PTPRD: variants seen among roughly 807,000 people sequenced by gnomAD.
The protein encoded by PTPRD is receptor-type tyrosine-protein phosphatase delta.
A neutral mutation model predicts 214.5 loss-of-function variants in PTPRD; 34 were observed. The observed-to-expected ratio is 0.16, with a 90% CI of 0.12 to 0.21. PTPRD has a LOEUF of 0.21. Among genes scored for constraint, PTPRD ranks in the 10% least tolerant of loss-of-function variants. The pLI, the probability that PTPRD is intolerant of heterozygous loss-of-function variation, is 1.00. For synonymous variants in PTPRD, 1,128 were observed against 845.7 expected (o/e 1.33, Z -5.79); for missense variants, 2,545 against 2,398.7 (o/e 1.06, Z -1.27).
At chr9:9,958,622 T>C (rs2094135088) in intron 4 of PTPRD, among the ~76,000 whole-genome samples, 1 of 152,166 alleles carries the variant, frequency 6.6e-6, no homozygotes, top group Non-Finnish European at 1.5e-5. Flanking sequence ...AAGAAATAGT[T>C]GGGTAATTTA....
chr9:9,947,354 T>TTATATATTA (rs2092741076), intron 4 of PTPRD, among the ~76,000 whole-genome samples: 1 of 56,036 alleles, frequency 1.8e-5, no homozygotes, highest in Non-Finnish European at 2.9e-5. Context: ...ATAATATATA[T>TTATATATTA]TATATATATT....
intron 14 of PTPRD, among the ~76,000 whole-genome samples, chr9:8,561,207 G>A (rs1357383747): frequency 6.6e-6 from 1 of 151,930 alleles, no homozygotes; most frequent in African/African-American, 2.4e-5. Flanking sequence ...ACCTTTGAGT[G>A]GTGTCTTCGC....
At chr9:9,732,228 G>T (rs1176997844) in intron 7 of PTPRD, among the ~76,000 whole-genome samples, 1 of 151,886 alleles carries the variant, frequency 6.6e-6, no homozygotes, top group Non-Finnish European at 1.5e-5. Flanking sequence ...TGAGATTTCT[G>T]GTATGTACTG....
At chr9:8,805,941 G>C (rs1304216297) in intron 11 of PTPRD, among the ~76,000 whole-genome samples, 2 of 144,736 alleles carry the variant, frequency 1.4e-5, no homozygotes, top group South Asian at 2.3e-4. Flanking sequence ...CTTGCAGTGA[G>C]CCGAGATTAT....
At chr9:8,353,025 C>T (rs557140334) in intron 39 of PTPRD, among the ~76,000 whole-genome samples, 3 of 152,178 alleles carry the variant, frequency 2.0e-5, no homozygotes, top group African/African-American at 4.8e-5. Context: ...ACAGGAGAAT[C>T]GCTTGAACCC....
At chr9:9,064,588 G>C (rs770491796) in intron 10 of PTPRD, among the ~76,000 whole-genome samples, 1 of 152,126 alleles carries the variant, frequency 6.6e-6, no homozygotes, top group Non-Finnish European at 1.5e-5. Flanking sequence ...GGATAAAAAA[G>C]TCCATTATAT....
intron 9 of PTPRD, among the ~76,000 whole-genome samples, chr9:9,247,705 C>T (rs2099973700): frequency 6.6e-6 from 1 of 152,088 alleles, no homozygotes; most frequent in Admixed American, 6.6e-5. Context: ...GGAGTCACCT[C>T]TTCTGACCCT....
chr9:9,679,117 G>A (rs1429420199), intron 7 of PTPRD, among the ~76,000 whole-genome samples: 1 of 96,614 alleles, frequency 1.0e-5, no homozygotes, highest in African/African-American at 3.5e-5. Context: ...GGTTGAAAAA[G>A]GGGGAAAAAA....
At chr9:8,837,634 T>G (rs753757554) in intron 11 of PTPRD, among the ~76,000 whole-genome samples, 1 of 152,084 alleles carries the variant, frequency 6.6e-6, no homozygotes, top group Non-Finnish European at 1.5e-5. Flanking sequence ...GTAGCTGGTA[T>G]TACAGGTGCA....
chr9:8,780,948 G>T (rs369880873), intron 11 of PTPRD, among the ~76,000 whole-genome samples: 5 of 152,168 alleles, frequency 3.3e-5, no homozygotes, highest in Admixed American at 6.5e-5. Flanking sequence ...GTCAGATATT[G>T]TAAGTATAAA....
intron 7 of PTPRD, among the ~76,000 whole-genome samples, chr9:9,716,474 T>C (rs904862526): frequency 6.4e-4 from 97 of 152,082 alleles, no homozygotes; most frequent in Non-Finnish European, 1.2e-3. Flanking sequence ...CCACCAACAG[T>C]GTAAAAGTGT....
chr9:8,594,727 A>G (rs2094370088), intron 14 of PTPRD, among the ~76,000 whole-genome samples: 1 of 152,240 alleles, frequency 6.6e-6, no homozygotes, highest in South Asian at 2.1e-4. Context: ...CCTTTCTGCC[A>G]TGATTCTAAG....
chr9:8,731,217 T>G (rs577760452), intron 12 of PTPRD, among the ~76,000 whole-genome samples: 1 of 152,260 alleles, frequency 6.6e-6, no homozygotes, highest in African/African-American at 2.4e-5. Context: ...AGAGAGTGAG[T>G]TGGACACATT....
intron 3 of PTPRD, among the ~76,000 whole-genome samples, chr9:10,047,329 TGTGTGTGTGC>T (rs1332714322): frequency 1.5e-4 from 23 of 150,728 alleles, no homozygotes; most frequent in African/African-American, 3.2e-4. Context: ...TGTGTGTGTG[TGTGTGTGTGC>T]GTGTGTGTGT....
Position 8,354,691 on chromosome 9 carries a change from C to T in PTPRD, c.4662-12713G>A, listed in dbSNP as rs559024608. On this transcript the variant is annotated intron_variant, in intron 39 of 45. Coordinates refer to ENST00000381196, the MANE Select transcript of PTPRD (RefSeq NM_002839.4). ...AGGCTTAAGAATTTGATGAAGATCA[C>T]GTGGCTGTCACTAGGGAGCTAAGAC... 9.2e-5 allele frequency among the ~76,000 whole-genome samples: 14 copies of T among 152,308 alleles called. No homozygotes were observed. In the South Asian group the frequency reaches 2.9e-3, roughly 32 times the overall value.
intron 9 of PTPRD, among the ~76,000 whole-genome samples, chr9:9,203,418 C>T (rs1390293621): frequency 3.3e-5 from 5 of 152,126 alleles, no homozygotes; most frequent in East Asian, 3.9e-4. Flanking sequence ...TACCACATAT[C>T]CCATAGGAAT....
chr9:10,493,858 T>C (rs2132841507), intron 2 of PTPRD, among the ~76,000 whole-genome samples: 1 of 152,152 alleles, frequency 6.6e-6, no homozygotes, highest in East Asian at 1.9e-4. Context: ...TAGAATACTA[T>C]TAATTATACC....
chr9:9,087,923 G>T (rs1217562821), intron 10 of PTPRD, among the ~76,000 whole-genome samples: 1 of 105,420 alleles, frequency 9.5e-6, no homozygotes, highest in Non-Finnish European at 1.7e-5. Context: ...GTCTCACTCT[G>T]TTGCCTAGGC....
chr9:8,966,053 A>T (rs2099192244), intron 11 of PTPRD, among the ~76,000 whole-genome samples: 1 of 152,112 alleles, frequency 6.6e-6, no homozygotes, highest in Non-Finnish European at 1.5e-5. Flanking sequence ...CACATGCACA[A>T]AAATACCTAG....
Sources: gnomAD v4.1 joint callset for allele counts (sites outside exome capture counted in the v4.1 genomes callset) on GRCh38, gnomAD v4.1.1 for gene constraint, MANE v1.5 for transcripts, NCBI Gene and HGNC (gene_info 2026-07-23, HGNC 2026-07-21) for gene names.